Variants in FMNL2 observed in about 807,000 individuals in gnomAD.
FMNL2 encodes the protein formin-like protein 2.
In FMNL2, 51 loss-of-function variants were observed where a neutral mutation model predicts 130.2. That is an observed-to-expected ratio of 0.39 (90% CI 0.31 to 0.49). FMNL2 has a LOEUF of 0.49. Among genes scored for constraint, FMNL2 ranks in the 20% least tolerant of loss-of-function variants. The probability of loss-of-function intolerance (pLI) is 0.85; values close to 1 mark genes in which losing one functional copy is unlikely to be tolerated. For synonymous variants in FMNL2, 465 were observed against 467.1 expected, an observed-to-expected ratio of 1.00 and a Z score of 0.06; for missense variants, 977 against 1,316.2, an observed-to-expected ratio of 0.74 and a Z score of 3.99.
intron 7 of FMNL2, among the ~76,000 whole-genome samples, chr2:152,577,463 A>C (rs1696539923): frequency 6.6e-6 from 1 of 152,126 alleles, no homozygotes; most frequent in Admixed American, 6.6e-5. Context: ...CTGGAGTTAG[A>C]CATTTGAGAG....
chr2:152,617,033 CTG>C lies in FMNL2; in HGVS notation c.1213-57_1213-56del. On this transcript the variant is annotated intron_variant, in intron 12 of 25. Coordinates refer to ENST00000288670, the MANE Select transcript of FMNL2 (RefSeq NM_052905.4). ...ATCTTGGAGCTGCACTTTCTGAGAA[CTG>C]AGGGCTGATCAAGATGATCCTGTAT... The C allele has an allele frequency of 4.0e-6, 6 of 1,483,162 alleles. No homozygotes were observed. The South Asian group carries it at 7.0e-5, about 17-fold the overall frequency. 91.9% of individuals were successfully genotyped at this position (1,483,162 alleles called of 1,614,324 possible).
At chr2:152,603,752 T>A (rs1282389008) in intron 9 of FMNL2, among the ~76,000 whole-genome samples, 2 of 151,116 alleles carry the variant, frequency 1.3e-5, no homozygotes, top group Non-Finnish European at 2.9e-5. Context: ...TATTATTCAT[T>A]GCACTTATGC....
intron 1 of FMNL2, among the ~76,000 whole-genome samples, chr2:152,406,805 A>C (rs919951783): frequency 6.6e-6 from 1 of 152,218 alleles, no homozygotes; most frequent in African/African-American, 2.4e-5. Context: ...TTACTGATTT[A>C]GAAAAGTTTA....
At chr2:152,499,114 G>C (rs1028838279) in intron 1 of FMNL2, among the ~76,000 whole-genome samples, 1 of 152,122 alleles carries the variant, frequency 6.6e-6, no homozygotes, top group Non-Finnish European at 1.5e-5. Context: ...CCGGGAGCTT[G>C]GTCAGCTATG....
At position 152,542,827 on chromosome 2, in the gene FMNL2, G is replaced by A. The variant is rs182213611; in HGVS notation, c.282+8G>A. ...CCAGCTGTAACCAGGAAGGTAAGATGGATTTGTTTCCACTCTTTGTTATTG... is the reference window on the plus strand; with the variant it reads ...CCAGCTGTAACCAGGAAGGTAAGATAGATTTGTTTCCACTCTTTGTTATTG... On this transcript the variant is annotated splice_region_variant and intron_variant, in intron 3 of 25. Coordinates refer to ENST00000288670, the MANE Select transcript of FMNL2 (RefSeq NM_052905.4). 1.9e-6 allele frequency: 3 copies of A among 1,613,582 alleles called. No homozygotes were observed. In the African/African-American group the frequency reaches 4.0e-5, roughly 22 times the overall value.
intron 4 of FMNL2, among the ~76,000 whole-genome samples, chr2:152,556,647 G>A (rs1041314916): frequency 4.6e-5 from 7 of 152,214 alleles, no homozygotes; most frequent in African/African-American, 1.2e-4. Context: ...TAGGTCACTT[G>A]CCTCTTGTCC....
chr2:152,619,696 G>T lies in FMNL2; in HGVS notation c.1815G>T (p.Val605=). ...PPLPGTSSPT[V]VFNSGLAAVK... ...TGCCTGGAACATCTTCACCCACAGT[G>T]GTTTTCAACTCAGGATTAGCAGGTA... The change falls in exon 15 of 26, where the codon GTG becomes GTT. Residue 605 remains valine (V), a synonymous_variant. Transcript: ENST00000288670. 6.2e-7 allele frequency: 1 copy of T among 1,611,984 alleles called. No homozygotes were observed. The highest frequency in any genetic ancestry group is 8.5e-7 in the Non-Finnish European group (1 of 1,179,452).
Position 152,637,617 on chromosome 2 carries a change from GACA to G in FMNL2, c.2893_2895del (p.Thr965del). ...TGAAGTATTTTGGAGAAAACCCCAA[GACA>G]ACACCACCCTCTGTCTTCTTTCCTG... On this transcript the variant is annotated inframe_deletion, in exon 23 of 26. Coordinates refer to ENST00000288670, the MANE Select transcript of FMNL2 (RefSeq NM_052905.4). The G allele has an allele frequency of 6.2e-7, 1 of 1,613,970 alleles. No homozygotes were observed. The highest frequency in any genetic ancestry group is 8.5e-7 in the Non-Finnish European group (1 of 1,179,868).
chr2:152,527,100 G>A (rs981192429), intron 2 of FMNL2, among the ~76,000 whole-genome samples: 6 of 152,120 alleles, frequency 3.9e-5, no homozygotes, highest in Non-Finnish European at 5.9e-5. Context: ...TAGTAGGCAA[G>A]CCCTCTTGTA....
intron 9 of FMNL2, among the ~76,000 whole-genome samples, chr2:152,595,045 GTTGTTTTGGCAGTT>G (rs1697684853): frequency 1.3e-5 from 2 of 152,106 alleles, no homozygotes; most frequent in South Asian, 4.2e-4. Context: ...TAGGCTCTGT[GTTGTTTTGGCAGTT>G]TGGTTTTGGC....
intron 1 of FMNL2, among the ~76,000 whole-genome samples, chr2:152,473,337 G>C (rs1689958864): frequency 6.6e-6 from 1 of 152,090 alleles, no homozygotes; most frequent in Non-Finnish European, 1.5e-5. Context: ...CCAAGTTGCT[G>C]GGATTACACG....
rs1163023259 is a variant in FMNL2, at chr2:152,560,973, G to A, written c.534G>A (p.Gly178=). The A allele has an allele frequency of 1.9e-6, 3 of 1,607,784 alleles. No individual in the cohort carries two copies. The highest frequency in any genetic ancestry group is 2.5e-6 in the Non-Finnish European group (3 of 1,177,000). ...GGTCCATCGAGGACCTGCACAGAGGGAGCAACCTGCCCTCACCTGTGGGCA... is the reference window on the plus strand; with the variant it reads ...GGTCCATCGAGGACCTGCACAGAGGAAGCAACCTGCCCTCACCTGTGGGCA... ...WSRSIEDLHR[G]SNLPSPVGNS... The change falls in exon 6 of 26, where the codon GGG becomes GGA. Residue 178 remains glycine, a synonymous_variant. Transcript: ENST00000288670.
intron 13 of FMNL2, 58 bp downstream of exon 13, chr2:152,617,250 T>C: frequency 6.7e-7 from 1 of 1,487,546 alleles, no homozygotes; most frequent in Non-Finnish European, 9.3e-7. Flanking sequence ...ACTCCAGCTT[T>C]CGTCCAGTGG....
chr2:152,434,621 C>G (rs958450351), intron 1 of FMNL2, among the ~76,000 whole-genome samples: 3 of 151,994 alleles, frequency 2.0e-5, no homozygotes, highest in Admixed American at 6.6e-5. Flanking sequence ...GTCTTCCCCC[C>G]ATGCAGAAGG....
chr2:152,632,199 C>T, intron 21 of FMNL2, 62 bp downstream of exon 21: 1 of 1,559,072 alleles, frequency 6.4e-7, no homozygotes, highest in South Asian at 1.2e-5. Flanking sequence ...TGTGGTGGAG[C>T]CATTCCCTGC....
chr2:152,496,998 A>C lies in FMNL2; in HGVS notation c.118-24945A>C, dbSNP rs565574784. Among the ~76,000 whole-genome samples the C allele has an allele frequency of 3.3e-3, 495 of 152,192 alleles. 2 individuals carry two copies. The highest frequency in any genetic ancestry group is 0.011 in the African/African-American group (476 of 41,514). ...TATTAGAGAAAGGTATATAGAAACC[A>C]AAATTTGGTGCTAGATGTGCTTATT... On this transcript the variant is annotated intron_variant, in intron 1 of 25. Coordinates refer to ENST00000288670, the MANE Select transcript of FMNL2 (RefSeq NM_052905.4).
intron 9 of FMNL2, among the ~76,000 whole-genome samples, chr2:152,590,020 T>C (rs1302583243): frequency 1.4e-5 from 2 of 140,644 alleles, no homozygotes; most frequent in African/African-American, 5.5e-5. Context: ...CATATACATA[T>C]ATATATACAT....
chr2:152,611,652 T>A, intron 11 of FMNL2, 47 bp downstream of exon 11: 1 of 1,237,478 alleles, frequency 8.1e-7, no homozygotes, highest in East Asian at 2.5e-5. Flanking sequence ...ATTGACTTAT[T>A]ATTGCCTGCC....
At chr2:152,643,428 CTG>C (rs2105977595) in intron 25 of FMNL2, 3 of 1,536,110 alleles carry the variant, frequency 2.0e-6, no homozygotes, top group Non-Finnish European at 2.6e-6. Flanking sequence ...GTGCTGAAGA[CTG>C]TGCCCTTTAC....
Sources: allele counts gnomAD v4.1 joint callset (sites outside exome capture counted in the v4.1 genomes callset), GRCh38; gene constraint gnomAD v4.1.1; transcripts MANE v1.5; gene names NCBI Gene and HGNC (gene_info 2026-07-23, HGNC 2026-07-21).